Variants in CTDSPL2 observed in about 807,000 individuals in gnomAD.
CTDSPL2 encodes CTD small phosphatase-like protein 2.
CTDSPL2 carries 5 observed loss-of-function variants against 60.0 expected under a neutral mutation model. The ratio of observed to expected loss-of-function variants is 0.08; its 90% CI spans 0.04 to 0.18. CTDSPL2 has a LOEUF of 0.18. CTDSPL2 is among the 10% of genes least tolerant of loss of function. CTDSPL2 has a pLI of 1.00. For missense variants in CTDSPL2, 370 were observed against 548.8 expected (o/e 0.67, Z 3.26); for synonymous variants, 186 against 189.3 (o/e 0.98, Z 0.14).
intron 8 of CTDSPL2, among the ~76,000 whole-genome samples, chr15:44,508,003 G>C (rs567661621): frequency 1.3e-5 from 2 of 152,008 alleles, no homozygotes; most frequent in Non-Finnish European, 2.9e-5. Context: ...TAAAAAATTG[G>C]TACAGCCACT....
intron 12 of CTDSPL2, among the ~76,000 whole-genome samples, chr15:44,522,098 A>G (rs551796605): frequency 2.6e-5 from 4 of 152,214 alleles, no homozygotes; most frequent in Admixed American, 2.0e-4. Flanking sequence ...TAGTAGCACA[A>G]TCACTATTCA....
intron 4 of CTDSPL2, among the ~76,000 whole-genome samples, chr15:44,488,232 C>CAGT (rs931131548): frequency 7.4e-4 from 112 of 152,120 alleles, no homozygotes; most frequent in Middle Eastern, 3.4e-3. Context: ...ATCACTTGGG[C>CAGT]AGTAGTGTGT....
rs1380422372 is a variant in CTDSPL2, at chr15:44,497,078, G to A, written c.822G>A (p.Arg274=). The part of the protein sequence containing the change: ...VPPLTEEQLN[R]KPALPLKTRS... ...CACTGACAGAAGAACAACTAAATAG[G>A]AAACCTGCTCTTCCGTTGAAAACAA... Residue 274 remains arginine, a synonymous_variant, in exon 7 of 13, where the codon AGG becomes AGA. Transcript: ENST00000260327. The A allele has an allele frequency of 3.1e-6, 5 of 1,611,740 alleles. No individual in the cohort carries two copies. Among genetic ancestry groups the A allele is most frequent in the Non-Finnish European group, 4.2e-6 (5 of 1,178,522 alleles).
intron 2 of CTDSPL2, among the ~76,000 whole-genome samples, chr15:44,481,212 T>G (rs1387346897): frequency 1.3e-5 from 2 of 152,206 alleles, no homozygotes; most frequent in African/African-American, 4.8e-5. Context: ...GGCATTTCAA[T>G]GAATTATTCT....
In CTDSPL2 at chr15:44,528,297, A is replaced by G. The variant is rs2140881335; in HGVS notation, c.*4123A>G. ...GATTCCTGGAGCCTACCCCTGGAAA[A>G]TTGTCTCGCTGGATCTCGAGAGGGG... On this transcript the variant is annotated 3_prime_UTR_variant, in exon 13 of 13. Coordinates refer to ENST00000260327, the MANE Select transcript of CTDSPL2 (RefSeq NM_016396.3). 6.6e-6 allele frequency: 1 copy of G among 150,566 alleles called. No homozygotes were observed. The highest frequency in any genetic ancestry group is 2.1e-4 in the South Asian group (1 of 4,764). 9.3% of individuals were successfully genotyped at this position (150,566 alleles called of 1,614,324 possible).
Position 44,490,900 on chromosome 15 carries a change from G to A in CTDSPL2, c.592G>A (p.Ala198Thr), listed in dbSNP as rs2081202423. Residue 198 changes from alanine to threonine, a missense_variant, in exon 5 of 13, where the codon GCA (alanine) becomes ACA (threonine). Physicochemically the swap from Ala to Thr is moderately conservative, Grantham distance 58 (BLOSUM62 0). Transcript: ENST00000260327. ...CAGTACTACTACATCAACTAATGGA[G>A]CAGCTTACTCAAATCAAGCAGTTCA... Reference protein sequence around the residue: ...TTSTTTSTNGAAYSNQAVQVR... With the variant: ...TTSTTTSTNGTAYSNQAVQVR... 6.2e-7 allele frequency: 1 copy of A among 1,613,878 alleles called. No individual in the cohort carries two copies. The highest frequency in any genetic ancestry group is 1.3e-5 in the African/African-American group (1 of 74,908).
intron 4 of CTDSPL2, 58 bp downstream of exon 4, chr15:44,486,758 G>GTTT (rs368571218): frequency 4.6e-3 from 3,642 of 796,174 alleles, no homozygotes; most frequent in South Asian, 9.7e-3. Flanking sequence ...CATAGTTTGG[G>GTTT]TTTTTTTTTT....
chr15:44,506,481 A>G (rs2433347), intron 8 of CTDSPL2, among the ~76,000 whole-genome samples: 50,372 of 145,286 alleles, frequency 0.35, 10,516 homozygotes, highest in Admixed American at 0.48. Flanking sequence ...CATTGACACA[A>G]TCTCTGCTCA....
At chr15:44,427,999 C>G (rs2079781170) in intron 1 of CTDSPL2, 1 of 280,194 alleles carries the variant, frequency 3.6e-6, no homozygotes, top group Admixed American at 5.2e-5. Context: ...CCAGCTTCAC[C>G]TCTTAGGTTG....
chr15:44,434,052 TG>T (rs750885477), intron 1 of CTDSPL2, among the ~76,000 whole-genome samples: 5 of 151,980 alleles, frequency 3.3e-5, no homozygotes, highest in African/African-American at 7.3e-5. Context: ...AGATTGATAA[TG>T]GTTTTAGAAA....
chr15:44,433,684 T>G (rs1412363828), intron 1 of CTDSPL2, among the ~76,000 whole-genome samples: 1 of 151,646 alleles, frequency 6.6e-6, no homozygotes, highest in African/African-American at 2.4e-5. Flanking sequence ...TTGTTTTTGT[T>G]TTTTGAGACG....
intron 1 of CTDSPL2, among the ~76,000 whole-genome samples, chr15:44,453,305 G>A (rs991759606): frequency 6.6e-6 from 1 of 152,030 alleles, no homozygotes; most frequent in African/African-American, 2.4e-5. Context: ...TTATGTTGAG[G>A]AAGTTCCTGT....
At chr15:44,458,891 C>A in intron 1 of CTDSPL2, 100 bp from the exon 2 acceptor site, 2 of 762,894 alleles carry the variant, frequency 2.6e-6, no homozygotes, top group Non-Finnish European at 1.9e-6. Context: ...GTTTTTTTAG[C>A]CAAGATATTT....
intron 5 of CTDSPL2, among the ~76,000 whole-genome samples, chr15:44,494,777 G>GTGGTAGCAGGTGCATATA (rs1235353847): frequency 2.6e-5 from 4 of 151,864 alleles, no homozygotes; most frequent in African/African-American, 9.7e-5. Context: ...TTAGCCGGGC[G>GTGGTAGCAGGTGCATATA]TGGTAGCAGG....
chr15:44,463,788 G>A (rs1021146276), intron 2 of CTDSPL2, among the ~76,000 whole-genome samples: 1 of 152,052 alleles, frequency 6.6e-6, no homozygotes, highest in African/African-American at 2.4e-5. Flanking sequence ...GCTTGCTTAC[G>A]TATGTATCTT....
rs1428140054 is a variant in CTDSPL2, at chr15:44,519,135, T to G, written c.1113-34T>G. 13 of 1,413,710 alleles carry G rather than the reference T, an allele frequency of 9.2e-6. No individual in the cohort carries two copies. In the East Asian group the frequency reaches 3.6e-4, roughly 39 times the overall value. 87.6% of individuals were successfully genotyped at this position (1,413,710 alleles called of 1,614,324 possible). On this transcript the variant is annotated intron_variant, in intron 10 of 12. Transcript: ENST00000260327. ...ATATGTTCTACTTTTTAGAAAGTTT[T>G]TTTTTTTTAATTTGTTTTTATTTTT...
At chr15:44,475,994 C>T (rs989568853) in intron 2 of CTDSPL2, among the ~76,000 whole-genome samples, 7 of 152,156 alleles carry the variant, frequency 4.6e-5, no homozygotes, top group African/African-American at 1.7e-4. Context: ...CAGCAGTGCA[C>T]CAATGGATTG....
chr15:44,491,992 T>C (rs2081222589), intron 5 of CTDSPL2, among the ~76,000 whole-genome samples: 1 of 152,006 alleles, frequency 6.6e-6, no homozygotes. Context: ...GCCTCCTGAG[T>C]AGCTGGGATT....
At chr15:44,493,158 T>C (rs1000463083) in intron 5 of CTDSPL2, among the ~76,000 whole-genome samples, 2 of 152,124 alleles carry the variant, frequency 1.3e-5, no homozygotes, top group Admixed American at 6.6e-5. Flanking sequence ...GAGCCAAATA[T>C]ACAGAAACAT....
Sources: gnomAD v4.1 joint callset for allele counts (sites outside exome capture counted in the v4.1 genomes callset) on GRCh38, gnomAD v4.1.1 for gene constraint, MANE v1.5 for transcripts, NCBI Gene and HGNC (gene_info 2026-07-23, HGNC 2026-07-21) for gene names.